The following DHRSX variants were observed in gnomAD, a reference collection of about 807,000 sequenced individuals.
DHRSX encodes the protein polyprenol dehydrogenase.
DHRSX carries 31 observed loss-of-function variants against 34.0 expected under a neutral mutation model. That is an observed-to-expected ratio of 0.91 (90% confidence interval 0.69 to 1.23). The LOEUF (loss-of-function observed/expected upper bound fraction) is 1.23, where lower values mean the gene tolerates loss of function less well. DHRSX is among the 50% of genes most tolerant of loss of function. The probability of loss-of-function intolerance (pLI) is 0.00; values close to 1 mark genes in which losing one functional copy is unlikely to be tolerated. For synonymous variants in DHRSX, 201 were observed against 183.8 expected, an observed-to-expected ratio of 1.09 and a Z score of -0.76; for missense variants, 414 against 428.1, an observed-to-expected ratio of 0.97 and a Z score of 0.29.
At chrX:2,374,333 T>C (rs1449796701) in intron 3 of DHRSX, among the ~76,000 whole-genome samples, 1 of 152,162 alleles carries the variant, frequency 6.6e-6, no homozygotes, top group Admixed American at 6.6e-5. Context: ...GAGGCCAGGC[T>C]CAGGGCTGTA....
intron 3 of DHRSX, among the ~76,000 whole-genome samples, chrX:2,398,418 C>T (rs2124628805): frequency 6.6e-6 from 1 of 152,152 alleles, no homozygotes; most frequent in Non-Finnish European, 1.5e-5. Flanking sequence ...CCTGTCATCC[C>T]AGCACTTTGG....
intron 5 of DHRSX, among the ~76,000 whole-genome samples, chrX:2,243,788 GTTTTTTTT>G (rs778957532): frequency 0.028 from 691 of 24,704 alleles, 2 homozygotes; most frequent in African/African-American, 0.058. Context: ...TATGCTCCCT[GTTTTTTTT>G]TTTTTTTTTT....
chrX:2,269,415 A>G (rs1489391816), intron 4 of DHRSX, among the ~76,000 whole-genome samples: 1 of 152,324 alleles, frequency 6.6e-6, no homozygotes, highest in African/African-American at 2.4e-5. Flanking sequence ...ATCTACACAT[A>G]TATAGGCCTA....
intron 4 of DHRSX, among the ~76,000 whole-genome samples, chrX:2,286,129 A>G (rs974610196): frequency 1.3e-5 from 2 of 152,008 alleles, no homozygotes; most frequent in Non-Finnish European, 2.9e-5. Context: ...GCACACCACG[A>G]AGATGAATTC....
rs1265355020 is a variant in DHRSX, at chrX:2,433,961, G to A, written c.110-8657C>T. Reference sequence around the variant, plus strand: ...GGCTAATTTTGTTTTTGTATTTTTAGTAGAGACAGGGTTTCACTGTGTTAG... The same window carrying A: ...GGCTAATTTTGTTTTTGTATTTTTAATAGAGACAGGGTTTCACTGTGTTAG... On this transcript the variant is annotated intron_variant, in intron 1 of 6. Coordinates refer to ENST00000334651, the MANE Select transcript of DHRSX (RefSeq NM_145177.3). 2.0e-5 allele frequency among the ~76,000 whole-genome samples: 3 copies of A among 151,918 alleles called. No homozygotes were observed. In the South Asian group the frequency reaches 6.3e-4, roughly 32 times the overall value.
chrX:2,330,583 G>A (rs1233403033), intron 3 of DHRSX, among the ~76,000 whole-genome samples: 3 of 146,994 alleles, frequency 2.0e-5, no homozygotes, highest in Non-Finnish European at 4.5e-5. Context: ...GGGAGGGGAA[G>A]AGAGGGGAAG....
chrX:2,421,357 G>T (rs1201977444), intron 2 of DHRSX, among the ~76,000 whole-genome samples: 6 of 152,210 alleles, frequency 3.9e-5, no homozygotes, highest in Admixed American at 3.9e-4. Context: ...TCCAGCCTGG[G>T]TGACAGAGTG....
chrX:2,237,178 T>C (rs964331843), intron 6 of DHRSX, among the ~76,000 whole-genome samples: 4 of 151,820 alleles, frequency 2.6e-5, no homozygotes, highest in Non-Finnish European at 4.4e-5. Context: ...AGAGAGAGGT[T>C]CCATCTTAAA....
At chrX:2,237,219 T>C (rs1489671106) in intron 6 of DHRSX, among the ~76,000 whole-genome samples, 3 of 152,066 alleles carry the variant, frequency 2.0e-5, no homozygotes, top group Non-Finnish European at 2.9e-5. Flanking sequence ...TCCCAGTACC[T>C]GCATCCTTGA....
rs182195910 is a variant in DHRSX, at chrX:2,415,015, C to T, written c.218-6202G>A. On this transcript the variant is annotated intron_variant, in intron 2 of 6. Transcript: ENST00000334651. Reference sequence around the variant, plus strand: ...CACGACCTACCCAACTAGAACTCATCACGACCTAACTAGATCACATCGTGA... The same window carrying T: ...CACGACCTACCCAACTAGAACTCATTACGACCTAACTAGATCACATCGTGA... Among the ~76,000 whole-genome samples the T allele has an allele frequency of 2.7e-3, 412 of 151,882 alleles. 1 individual carries two copies. Among genetic ancestry groups the T allele is most frequent in the African/African-American group, 9.6e-3 (399 of 41,438 alleles).
At chrX:2,490,551 A>C in intron 1 of DHRSX, 3 of 1,613,934 alleles carry the variant, frequency 1.9e-6, no homozygotes, top group Non-Finnish European at 2.5e-6. Flanking sequence ...GTGTTTCCGG[A>C]GTAGGCGATC....
intron 4 of DHRSX, among the ~76,000 whole-genome samples, chrX:2,289,322 T>C (rs1416792305): frequency 6.6e-6 from 1 of 152,050 alleles, no homozygotes; most frequent in Non-Finnish European, 1.5e-5. Flanking sequence ...TTCACCATAT[T>C]GGTCAGGCTG....
chrX:2,227,468 G>A (rs2015698462), intron 6 of DHRSX, among the ~76,000 whole-genome samples: 1 of 146,838 alleles, frequency 6.8e-6, no homozygotes, highest in South Asian at 2.2e-4. Flanking sequence ...AGTAAGAAAG[G>A]AAGGAAGCAG....
At chrX:2,366,653 A>C (rs1003002113) in intron 3 of DHRSX, among the ~76,000 whole-genome samples, 5 of 152,142 alleles carry the variant, frequency 3.3e-5, no homozygotes, top group African/African-American at 1.2e-4. Context: ...GCTGAAGAGC[A>C]GTGGAGCAGT....
chrX:2,488,392 C>T (rs780217283), intron 1 of DHRSX: 54 of 479,030 alleles, frequency 1.1e-4, no homozygotes, highest in Non-Finnish European at 3.6e-6. Context: ...CCAGGCTGGT[C>T]TCGATCTCCT....
At position 2,430,410 on chromosome X, in the gene DHRSX, C is replaced by T. The variant is rs768270726; in HGVS notation, c.110-5106G>A. On this transcript the variant is annotated intron_variant, in intron 1 of 6. Coordinates refer to ENST00000334651, the MANE Select transcript of DHRSX (RefSeq NM_145177.3). ...GTACCCACACAGACACCCCCGCACA[C>T]AACAGGTTGCAACAATCGCCTGACA... Among the ~76,000 whole-genome samples the T allele has an allele frequency of 2.3e-4, 35 of 152,296 alleles. No individual in the cohort carries two copies. The South Asian group carries it at 6.6e-3, about 29-fold the overall frequency.
intron 1 of DHRSX, chrX:2,488,693 G>A (rs2045019547): frequency 6.2e-7 from 1 of 1,613,684 alleles, no homozygotes; most frequent in Non-Finnish European, 8.5e-7. Context: ...ATCCCCCAAG[G>A]AGAACACCTG....
intron 2 of DHRSX, among the ~76,000 whole-genome samples, chrX:2,418,645 A>G (rs751389020): frequency 4.6e-5 from 7 of 152,324 alleles, no homozygotes; most frequent in East Asian, 1.9e-4. Flanking sequence ...TCTTTGTTCA[A>G]CCTTGAGGGT....
intron 2 of DHRSX, among the ~76,000 whole-genome samples, chrX:2,418,315 T>C (rs192966024): frequency 6.4e-4 from 98 of 152,024 alleles, no homozygotes; most frequent in African/African-American, 2.3e-3. Flanking sequence ...GTTATCATGA[T>C]CTAATACAAC....
Sources: allele counts gnomAD v4.1 joint callset (sites outside exome capture counted in the v4.1 genomes callset), GRCh38; gene constraint gnomAD v4.1.1; transcripts MANE v1.5; gene names NCBI Gene and HGNC (gene_info 2026-07-23, HGNC 2026-07-21).